TOX: variants seen among roughly 807,000 people sequenced by gnomAD.
TOX encodes thymocyte selection associated high mobility group box.
Under a neutral mutation model 53.7 loss-of-function variants are expected in TOX, and 11 were observed. The ratio of observed to expected loss-of-function variants is 0.20; its 90% CI spans 0.13 to 0.34. The LOEUF (loss-of-function observed/expected upper bound fraction) is 0.34, where lower values mean the gene tolerates loss of function less well. Among genes scored for constraint, TOX ranks in the 10% least tolerant of loss-of-function variants. The probability of loss-of-function intolerance (pLI) is 1.00; values close to 1 mark genes in which losing one functional copy is unlikely to be tolerated. For synonymous variants in TOX, 225 were observed against 245.3 expected, an observed-to-expected ratio of 0.92 and a Z score of 0.77; for missense variants, 570 against 664.6, an observed-to-expected ratio of 0.86 and a Z score of 1.56.
intron 2 of TOX, among the ~76,000 whole-genome samples, chr8:58,959,017 T>G (rs9650194): frequency 6.6e-6 from 1 of 151,984 alleles, no homozygotes; most frequent in East Asian, 1.9e-4. Flanking sequence ...TCTATATGTG[T>G]GGATATGTAG....
intron 4 of TOX, among the ~76,000 whole-genome samples, chr8:58,839,517 A>C (rs1031837686): frequency 8.5e-5 from 13 of 152,228 alleles, no homozygotes; most frequent in Admixed American, 7.2e-4. Context: ...AGATGGCTGC[A>C]TTTGAATATT....
At chr8:58,948,871 C>G (rs1563398091) in intron 2 of TOX, among the ~76,000 whole-genome samples, 2 of 152,050 alleles carry the variant, frequency 1.3e-5, no homozygotes, top group Non-Finnish European at 2.9e-5. Context: ...TTTAATCCAA[C>G]CACTCAGGAG....
At chr8:59,064,987 G>C (rs569827607) in intron 1 of TOX, among the ~76,000 whole-genome samples, 1 of 152,104 alleles carries the variant, frequency 6.6e-6, no homozygotes, top group African/African-American at 2.4e-5. Context: ...GCGCCCTGAG[G>C]CTTCCCAATT....
chr8:59,012,435 C>T (rs1216494655), intron 1 of TOX, among the ~76,000 whole-genome samples: 8 of 151,818 alleles, frequency 5.3e-5, no homozygotes, highest in South Asian at 2.1e-4. Context: ...TAGCCTGCCA[C>T]GAGAGGGACC....
chr8:58,908,192 G>A (rs543394081), intron 3 of TOX, among the ~76,000 whole-genome samples: 2 of 152,230 alleles, frequency 1.3e-5, no homozygotes, highest in Non-Finnish European at 2.9e-5. Context: ...TTTGTTAAAG[G>A]TGAGACAATT....
intron 1 of TOX, among the ~76,000 whole-genome samples, chr8:59,089,087 C>T (rs1804561527): frequency 6.6e-6 from 1 of 152,126 alleles, no homozygotes; most frequent in African/African-American, 2.4e-5. Flanking sequence ...CTTAATGAAC[C>T]TTAACCCTCT....
intron 1 of TOX, among the ~76,000 whole-genome samples, chr8:59,030,551 T>A (rs1169582063): frequency 6.6e-6 from 1 of 152,196 alleles, no homozygotes; most frequent in Non-Finnish European, 1.5e-5. Flanking sequence ...GTAAACAGGT[T>A]AACATTTACA....
intron 3 of TOX, among the ~76,000 whole-genome samples, chr8:58,865,877 C>T (rs1427995776): frequency 7.4e-6 from 1 of 135,846 alleles, no homozygotes; most frequent in Non-Finnish European, 1.5e-5. Flanking sequence ...CTCTGTCGTC[C>T]AGGCTGGAGT....
chr8:58,845,342 C>T (rs1220028939), intron 4 of TOX, among the ~76,000 whole-genome samples: 1 of 152,122 alleles, frequency 6.6e-6, no homozygotes, highest in African/African-American at 2.4e-5. Context: ...ATAAACTCCT[C>T]TCCATAGAAA....
chr8:58,959,733 G>A (rs1812770191), intron 2 of TOX, among the ~76,000 whole-genome samples: 1 of 152,218 alleles, frequency 6.6e-6, no homozygotes, highest in African/African-American at 2.4e-5. Flanking sequence ...TTCTGGAGAG[G>A]AAACAAGGTA....
chr8:59,111,127 C>T (rs1415045787), intron 1 of TOX, among the ~76,000 whole-genome samples: 1 of 152,138 alleles, frequency 6.6e-6, no homozygotes, highest in Non-Finnish European at 1.5e-5. Flanking sequence ...AGTCAGGCTT[C>T]TCAAGAGAAT....
chr8:58,836,081 C>T (rs963602828), intron 5 of TOX, among the ~76,000 whole-genome samples: 1 of 152,128 alleles, frequency 6.6e-6, no homozygotes, highest in African/African-American at 2.4e-5. Flanking sequence ...GGTACTGAAG[C>T]CAGGTGCATA....
chr8:59,063,562 T>C (rs1804030479), intron 1 of TOX, among the ~76,000 whole-genome samples: 1 of 151,320 alleles, frequency 6.6e-6, no homozygotes. Flanking sequence ...TAGCTGGAAC[T>C]ACAGGTGCAT....
intron 1 of TOX, among the ~76,000 whole-genome samples, chr8:58,994,400 G>C (rs1813515822): frequency 7.4e-5 from 11 of 149,560 alleles, no homozygotes; most frequent in African/African-American, 2.8e-4. Flanking sequence ...AAGTGTGTGT[G>C]TGTGTGTGTG....
At chr8:59,026,280 T>C (rs1814237197) in intron 1 of TOX, among the ~76,000 whole-genome samples, 1 of 152,148 alleles carries the variant, frequency 6.6e-6, no homozygotes, top group South Asian at 2.1e-4. Flanking sequence ...AGAGTGCTGC[T>C]GGCATCTTAG....
At chr8:59,104,141 T>C (rs2129424563) in intron 1 of TOX, among the ~76,000 whole-genome samples, 1 of 152,326 alleles carries the variant, frequency 6.6e-6, no homozygotes, top group Non-Finnish European at 1.5e-5. Flanking sequence ...GGCACATTGT[T>C]ACTAGAAATG....
chr8:59,110,744 C>T (rs1479492885), intron 1 of TOX, among the ~76,000 whole-genome samples: 1 of 151,802 alleles, frequency 6.6e-6, no homozygotes, highest in African/African-American at 2.4e-5. Flanking sequence ...CCCCGGGGGG[C>T]CTATCAATAT....
intron 1 of TOX, among the ~76,000 whole-genome samples, chr8:59,098,631 C>T (rs1804753536): frequency 6.6e-6 from 1 of 152,144 alleles, no homozygotes; most frequent in South Asian, 2.1e-4. Flanking sequence ...TGAAAGAATC[C>T]TAATAATGAT....
intron 1 of TOX, among the ~76,000 whole-genome samples, chr8:59,077,165 T>A (rs996482022): frequency 1.3e-5 from 2 of 152,214 alleles, no homozygotes; most frequent in Admixed American, 6.5e-5. Flanking sequence ...TTGAGGAAGT[T>A]CTACCACAGG....
Sources: gnomAD v4.1 joint callset for allele counts (sites outside exome capture counted in the v4.1 genomes callset) on GRCh38, gnomAD v4.1.1 for gene constraint, MANE v1.5 for transcripts, NCBI Gene and HGNC (gene_info 2026-07-23, HGNC 2026-07-21) for gene names.